SIRT6: variants seen among roughly 807,000 people sequenced by gnomAD.
The protein encoded by SIRT6 is sirtuin 6, also known as NAD-dependent protein deacylase sirtuin-6.
SIRT6 carries 21 observed loss-of-function variants against 33.6 expected under a neutral mutation model. That is an observed-to-expected ratio of 0.62 (90% CI 0.44 to 0.90). SIRT6 has a LOEUF of 0.90. Among genes scored for constraint, SIRT6 ranks in the 40% least tolerant of loss-of-function variants. The pLI is 0.00. For synonymous variants in SIRT6, 221 were observed against 223.9 expected (o/e 0.99, Z 0.12); for missense variants, 504 against 510.6 (o/e 0.99, Z 0.12).
At chr19:4,176,537 C>A (rs916679384) in intron 4 of SIRT6, among the ~76,000 whole-genome samples, 3 of 151,974 alleles carry the variant, frequency 2.0e-5, no homozygotes, top group Non-Finnish European at 4.4e-5. Context: ...TGCAGTGAGC[C>A]GAGATTGCCC....
At chr19:4,178,535 A>G (rs1568297986) in intron 3 of SIRT6, among the ~76,000 whole-genome samples, 1 of 152,144 alleles carries the variant, frequency 6.6e-6, no homozygotes, top group South Asian at 2.1e-4. Flanking sequence ...GTTTAGTGTC[A>G]GATTAATAAA....
At position 4,174,621 on chromosome 19, in the gene SIRT6, C is replaced by G. The variant is rs199936276; in HGVS notation, c.1064G>C (p.Ser355Thr). 1.4e-6 allele frequency: 2 copies of G among 1,436,550 alleles called. No homozygotes were observed. Among genetic ancestry groups the G allele is most frequent in the African/African-American group, 2.9e-5 (2 of 68,848 alleles). 89.0% of individuals were successfully genotyped at this position (1,436,550 alleles called of 1,614,324 possible). Residue 355 changes from serine to threonine, a missense_variant, in exon 8 of 8, where the codon AGC (serine) becomes ACC (threonine). Physicochemically the swap from Ser to Thr is moderately conservative, Grantham distance 58 (BLOSUM62 1). Transcript: ENST00000337491. The surrounding 1 kb of genome is among the most constrained non-coding windows in gnomAD (Gnocchi z 4.2). ...CACCCTCCCCAAGCACCCTGGTCAG[C>G]TGGGGACCGCCTTGGCCTTCACCCT... ...PKRVKAKAVP[S>T]
At chr19:4,181,531 A>G (rs1486682216) in intron 1 of SIRT6, among the ~76,000 whole-genome samples, 1 of 152,216 alleles carries the variant, frequency 6.6e-6, no homozygotes, top group Non-Finnish European at 1.5e-5. Context: ...TCACGCCTAT[A>G]ATCCCAGCAC....
chr19:4,175,969 C>T, intron 4 of SIRT6, 32 bp from the exon 5 acceptor site: 7 of 1,541,758 alleles, frequency 4.5e-6, no homozygotes, highest in Non-Finnish European at 5.3e-6. Flanking sequence ...AGGATGGGAC[C>T]AGGTGAGCTC....
intron 6 of SIRT6, 38 bp from the exon 7 acceptor site, chr19:4,175,189 C>A: frequency 6.4e-7 from 1 of 1,572,630 alleles, no homozygotes; most frequent in Non-Finnish European, 8.6e-7. Context: ...TGATGCCCTG[C>A]TCCTGCCAAC....
chr19:4,179,473 G>C, intron 2 of SIRT6, 187 bp from the exon 3 acceptor site: 1 of 627,412 alleles, frequency 1.6e-6, no homozygotes, highest in Non-Finnish European at 2.7e-6. Context: ...AGGGAGAGGG[G>C]GATAGAACAA....
At chr19:4,182,195 G>C in intron 1 of SIRT6, 1 of 462,592 alleles carries the variant, frequency 2.2e-6, no homozygotes, top group Non-Finnish European at 3.9e-6. Context: ...CGTTCTCCAG[G>C]TGTGTTTATT....
intron 4 of SIRT6, among the ~76,000 whole-genome samples, chr19:4,176,492 G>A (rs983140230): frequency 3.3e-5 from 5 of 152,204 alleles, no homozygotes; most frequent in Admixed American, 6.5e-5. Flanking sequence ...GGATGGCTGA[G>A]GCAGAATAAT....
At chr19:4,182,453 G>C (rs779793633) in intron 1 of SIRT6, 21 bp downstream of exon 1, 10 of 1,603,600 alleles carry the variant, frequency 6.2e-6, no homozygotes, top group South Asian at 2.2e-5. Context: ...CGCGATGCTC[G>C]GGACCCTCAG....
chr19:4,176,228 G>A (rs1298325538), intron 4 of SIRT6, among the ~76,000 whole-genome samples: 1 of 152,336 alleles, frequency 6.6e-6, no homozygotes. Flanking sequence ...ATTGGAGCAT[G>A]GGGGCGACAG....
chr19:4,176,775 A>T (rs948219503), intron 4 of SIRT6, among the ~76,000 whole-genome samples: 15 of 152,006 alleles, frequency 9.9e-5, no homozygotes, highest in Non-Finnish European at 1.3e-4. Flanking sequence ...GAGATCACAA[A>T]TTTCTATTGT....
chr19:4,180,162 T>C (rs191157113), intron 2 of SIRT6, among the ~76,000 whole-genome samples: 1 of 127,802 alleles, frequency 7.8e-6, no homozygotes, highest in East Asian at 2.5e-4. Context: ...TGGAGTACAA[T>C]GGCATGATCC....
chr19:4,174,578 A>C lies in SIRT6; in HGVS notation c.*39T>G, dbSNP rs200930964. The C allele has an allele frequency of 2.2e-6, 3 of 1,391,802 alleles. No homozygotes were observed. In the African/African-American group the frequency reaches 4.5e-5, roughly 21 times the overall value. The allele number at this position is 1,391,802 out of a possible 1,614,324, so 86.2% of individuals were successfully genotyped here. A position where few individuals can be genotyped will look rare whatever the true frequency, so the allele number is the denominator to read the frequency against. ...AGACCACGAGAGAAAAAGAATCCAC[A>C]GTTTCTACAAAAAGCCCCACCCTCC... On this transcript the variant is annotated 3_prime_UTR_variant, in exon 8 of 8. Coordinates refer to ENST00000337491, the MANE Select transcript of SIRT6 (RefSeq NM_016539.4). The surrounding 1 kb of genome is among the most constrained non-coding windows in gnomAD (Gnocchi z 4.2).
At chr19:4,175,264 G>T in intron 6 of SIRT6, 113 bp from the exon 7 acceptor site, 1 of 1,395,108 alleles carries the variant, frequency 7.2e-7, no homozygotes, top group Non-Finnish European at 9.5e-7. Flanking sequence ...GGCGGTCAAG[G>T]CCAGCCCCAC....
chr19:4,179,129 G>A lies in SIRT6; in HGVS notation c.352C>T (p.Leu118Phe). The A allele has an allele frequency of 6.2e-7, 1 of 1,612,312 alleles. No homozygotes were observed. Among genetic ancestry groups the A allele is most frequent in the Non-Finnish European group, 8.5e-7 (1 of 1,179,796 alleles). ...RFLVSQNVDG[L>F]HVRSGFPRDK... ...CTGGGGAAGCCTGAGCGCACATGGA[G>A]CCCGTCCACGTTCTGGCTGACCAGG... Residue 118 changes from leucine (L) to phenylalanine (F), a missense_variant, in exon 3 of 8, where the codon CTC (leucine) becomes TTC (phenylalanine). Physicochemically the swap from Leu to Phe is conservative, Grantham distance 22 (BLOSUM62 0). Transcript: ENST00000337491.
rs754970003 is a variant in SIRT6, at chr19:4,175,140, A to C, written c.626T>G (p.Leu209Arg). 1 of 1,601,732 alleles carries C rather than the reference A, an allele frequency of 6.2e-7. No individual in the cohort carries two copies. The highest frequency in any genetic ancestry group is 1.1e-5 in the South Asian group (1 of 89,674). The change falls in exon 7 of 8, where the codon CTG becomes CGG. Residue 209 changes from leucine to arginine, a missense_variant. By Grantham distance (102) the Leu-to-Arg change is moderately radical. Coordinates refer to ENST00000337491, the MANE Select transcript of SIRT6 (RefSeq NM_016539.4). Reference sequence around the variant, plus strand: ...CAGCGATGTACCCAGCGTGATGGACAGGTCGGCGTTCCTGGGGCCGGGGAG... The same window carrying C: ...CAGCGATGTACCCAGCGTGATGGACCGGTCGGCGTTCCTGGGGCCGGGGAG... ...LADEASRNADLSITLGTSLQI... is the reference protein window; with the variant it reads ...LADEASRNADRSITLGTSLQI...
intron 3 of SIRT6, 103 bp from the exon 4 acceptor site, chr19:4,177,241 A>C: frequency 1.0e-6 from 1 of 1,003,862 alleles, no homozygotes; most frequent in East Asian, 2.5e-5. Flanking sequence ...GGCTTCCCGG[A>C]CTCCTCTCCC....
At chr19:4,181,004 T>C (rs1967619347) in intron 1 of SIRT6, 95 bp from the exon 2 acceptor site, 1 of 1,467,114 alleles carries the variant, frequency 6.8e-7, no homozygotes, top group Non-Finnish European at 9.1e-7. Context: ...CTGTCTTGCC[T>C]GAGGGAGGAA....
At chr19:4,180,635 A>G in intron 2 of SIRT6, 147 bp downstream of exon 2, 1 of 1,031,714 alleles carries the variant, frequency 9.7e-7, no homozygotes, top group Non-Finnish European at 1.4e-6. Context: ...ATGCCCAGCC[A>G]AGGGACACAT....
Sources: allele counts gnomAD v4.1 joint callset (sites outside exome capture counted in the v4.1 genomes callset), GRCh38; gene constraint gnomAD v4.1.1; non-coding constraint Gnocchi (gnomAD v3.1); transcripts MANE v1.5; gene names NCBI Gene and HGNC (gene_info 2026-07-23, HGNC 2026-07-21).